ZFAT: variants seen among roughly 807,000 people sequenced by gnomAD.
ZFAT encodes zinc finger and AT-hook domain containing, also known as zinc finger protein ZFAT.
A neutral mutation model predicts 117.7 loss-of-function variants in ZFAT; 64 were observed. The observed-to-expected ratio is 0.54, with a 90% confidence interval of 0.44 to 0.67. ZFAT has a LOEUF of 0.67. ZFAT is among the 30% of genes least tolerant of loss of function. The probability of loss-of-function intolerance (pLI) is 0.00; values close to 1 mark genes in which losing one functional copy is unlikely to be tolerated. For missense variants in ZFAT, 1,433 were observed against 1,584.5 expected (o/e 0.90, Z 1.62); for synonymous variants, 679 against 615.0 (o/e 1.10, Z -1.54).
At chr8:134,607,403 G>A (rs1290024290) in intron 5 of ZFAT, among the ~76,000 whole-genome samples, 2 of 152,322 alleles carry the variant, frequency 1.3e-5, no homozygotes, top group South Asian at 4.1e-4. Context: ...ACATGTGCCA[G>A]GCACTTTGCA....
chr8:134,493,272 G>A lies in ZFAT; in HGVS notation c.3493-14551C>T, dbSNP rs534779299. Among the ~76,000 whole-genome samples, 216 of 152,290 alleles carry A rather than the reference G, an allele frequency of 1.4e-3. 1 individual carries two copies. The highest frequency in any genetic ancestry group is 6.8e-3 in the Middle Eastern group (2 of 294). On this transcript the variant is annotated intron_variant, in intron 15 of 15. Transcript: ENST00000377838. ...GCCCCAGGCACTGGAGAGCTCTGCTGCCACCTGCAACACGGACTTGTCCAC... is the reference window on the plus strand; with the variant it reads ...GCCCCAGGCACTGGAGAGCTCTGCTACCACCTGCAACACGGACTTGTCCAC...
intron 2 of ZFAT, among the ~76,000 whole-genome samples, chr8:134,651,768 A>G (rs1190647373): frequency 6.6e-6 from 1 of 152,198 alleles, no homozygotes; most frequent in Non-Finnish European, 1.5e-5. Context: ...TATAAAAATC[A>G]TAAATCTATA....
intron 1 of ZFAT, among the ~76,000 whole-genome samples, chr8:134,681,128 AG>A (rs1833050689): frequency 2.6e-5 from 4 of 152,206 alleles, no homozygotes; most frequent in Non-Finnish European, 5.9e-5. Flanking sequence ...CAGCTCCCAG[AG>A]GCACACACAG....
At chr8:134,770,087 C>T in the ZFAT span, among the ~76,000 whole-genome samples, 2 of 152,206 alleles carry the variant, frequency 1.3e-5, no homozygotes, top group East Asian at 1.9e-4. Flanking sequence ...TCTGACATGC[C>T]CTGGAGACAT....
At chr8:134,644,221 C>T (rs926781231) in intron 2 of ZFAT, among the ~76,000 whole-genome samples, 2 of 152,082 alleles carry the variant, frequency 1.3e-5, no homozygotes, top group Admixed American at 6.5e-5. Context: ...CCCAGACATA[C>T]AGCAGGCACC....
intron 11 of ZFAT, among the ~76,000 whole-genome samples, chr8:134,543,293 T>C (rs1241613453): frequency 6.6e-6 from 1 of 151,466 alleles, no homozygotes; most frequent in African/African-American, 2.4e-5. Flanking sequence ...ATGCAGTTAC[T>C]GCACAGAAGA....
At chr8:134,484,971 T>C (rs1251478254) in intron 15 of ZFAT, among the ~76,000 whole-genome samples, 1 of 151,932 alleles carries the variant, frequency 6.6e-6, no homozygotes, top group Non-Finnish European at 1.5e-5. Flanking sequence ...AAACACACAA[T>C]GATGATGATG....
intron 13 of ZFAT, among the ~76,000 whole-genome samples, chr8:134,518,137 A>C (rs1478344147): frequency 6.6e-6 from 1 of 152,168 alleles, no homozygotes; most frequent in South Asian, 2.1e-4. Flanking sequence ...TGGTATTCTA[A>C]TAGTAACTTT....
At chr8:134,781,982 T>C in the ZFAT span, among the ~76,000 whole-genome samples, 1 of 152,206 alleles carries the variant, frequency 6.6e-6, no homozygotes, top group African/African-American at 2.4e-5. Context: ...ATAGCAGTAG[T>C]TAAGTTTGAG....
chr8:134,581,109 A>T (rs560096150), intron 10 of ZFAT, among the ~76,000 whole-genome samples: 9 of 152,178 alleles, frequency 5.9e-5, no homozygotes, highest in African/African-American at 1.7e-4. Flanking sequence ...ATGTAAATAA[A>T]CTTTTTTCAA....
intron 15 of ZFAT, among the ~76,000 whole-genome samples, chr8:134,504,729 AGAAGGGCG>A: frequency 1.3e-5 from 2 of 152,356 alleles, no homozygotes; most frequent in Admixed American, 1.3e-4. Flanking sequence ...CCAAGTGGGC[AGAAGGGCG>A]GAAGGGAGAG....
chr8:134,498,000 C>T (rs578021797), intron 15 of ZFAT, among the ~76,000 whole-genome samples: 2 of 146,582 alleles, frequency 1.4e-5, no homozygotes, highest in East Asian at 4.2e-4. Flanking sequence ...CTGCTGGTTA[C>T]ACACAGGGCC....
At chr8:134,782,990 T>TAG in the ZFAT span, among the ~76,000 whole-genome samples, 1 of 151,638 alleles carries the variant, frequency 6.6e-6, no homozygotes, top group African/African-American at 2.4e-5. Context: ...TATATATATA[T>TAG]ACACACACAC....
intron 2 of ZFAT, among the ~76,000 whole-genome samples, chr8:134,640,304 C>G (rs1458271338): frequency 6.6e-6 from 1 of 152,236 alleles, no homozygotes; most frequent in Non-Finnish European, 1.5e-5. Context: ...ACCCTCCAAA[C>G]TTGTGGCTGG....
At chr8:134,712,388 C>A (rs953073910) in intron 1 of ZFAT, among the ~76,000 whole-genome samples, 43 of 152,216 alleles carry the variant, frequency 2.8e-4, no homozygotes, top group Non-Finnish European at 6.0e-4. Flanking sequence ...AGTGGAAGAT[C>A]TGTCACTCTA....
chr8:134,817,417 ACACACACACACACACACACAACG>A, the ZFAT span, among the ~76,000 whole-genome samples: 2 of 108,216 alleles, frequency 1.8e-5, no homozygotes, highest in African/African-American at 3.2e-5. Flanking sequence ...ACACACACAC[ACACACACACACACACACACAACG>A]CACCCTTATT....
At chr8:134,764,272 G>A in the ZFAT span, among the ~76,000 whole-genome samples, 1 of 152,164 alleles carries the variant, frequency 6.6e-6, no homozygotes, top group Admixed American at 6.5e-5. Context: ...GTCCTTGCTA[G>A]TTCTCTCATC....
intron 1 of ZFAT, among the ~76,000 whole-genome samples, chr8:134,701,897 T>C (rs553907956): frequency 6.6e-6 from 1 of 152,342 alleles, no homozygotes; most frequent in South Asian, 2.1e-4. Flanking sequence ...TAATCCCCAA[T>C]GTGGCACTGC....
intron 15 of ZFAT, among the ~76,000 whole-genome samples, chr8:134,494,885 T>C (rs1818317908): frequency 6.6e-6 from 1 of 152,216 alleles, no homozygotes; most frequent in Non-Finnish European, 1.5e-5. Flanking sequence ...ACATTCACCC[T>C]ACTGGTGTTG....
Sources: allele counts gnomAD v4.1 joint callset (sites outside exome capture counted in the v4.1 genomes callset), GRCh38; gene constraint gnomAD v4.1.1; transcripts MANE v1.5; gene names NCBI Gene and HGNC (gene_info 2026-07-23, HGNC 2026-07-21).